The following NAPA variants were observed in gnomAD, a reference collection of about 807,000 sequenced individuals.
NAPA encodes alpha-soluble NSF attachment protein.
A neutral mutation model predicts 48.0 loss-of-function variants in NAPA; 18 were observed. That is an observed-to-expected ratio of 0.38 (90% CI 0.26 to 0.56). The LOEUF is 0.56. Among genes scored for constraint, NAPA ranks in the 20% least tolerant of loss-of-function variants. The pLI is 0.77. For synonymous variants in NAPA, 152 were observed against 149.9 expected (o/e 1.01, Z -0.10); for missense variants, 315 against 385.0 (o/e 0.82, Z 1.52).
Position 47,515,035 on chromosome 19 carries a change from CCGGCTG to C in NAPA, c.-101_-96del, listed in dbSNP as rs1968881077. The stretch of plus-strand genomic sequence containing the variant: ...CGGAACACAGATCGGTAAAACTCGC[CCGGCTG>C]CGTTGACGTCGCACCGGCGCGCGTC... On this transcript the variant is annotated 5_prime_UTR_variant, in exon 1 of 11. Transcript: ENST00000263354. The C allele has an allele frequency of 4.6e-6, 6 of 1,298,838 alleles. No homozygotes were observed. In the East Asian group the frequency reaches 1.6e-4, roughly 34 times the overall value. The allele number at this position is 1,298,838 out of a possible 1,614,324, so 80.5% of individuals were successfully genotyped here.
At position 47,506,243 on chromosome 19, in the gene NAPA, T is replaced by C. The variant is rs1472043926; in HGVS notation, c.99-2741A>G. Among the ~76,000 whole-genome samples, 1 of 152,010 alleles carries C rather than the reference T, an allele frequency of 6.6e-6. No homozygotes were observed. Among genetic ancestry groups the C allele is most frequent in the African/African-American group, 2.4e-5 (1 of 41,372 alleles). ...GAACTCCTGACCTCAAGTGGTCCAC[T>C]CGCCTCGGCCTCCCAAAGTGCTGGG... is the stretch of plus-strand genomic sequence containing the variant. On this transcript the variant is annotated intron_variant, in intron 1 of 10. Coordinates refer to ENST00000263354, the MANE Select transcript of NAPA (RefSeq NM_003827.4). The surrounding 1 kb of genome is among the most constrained non-coding windows in gnomAD (Gnocchi z 4.0).
intron 10 of NAPA, chr19:47,489,494 C>T (rs1306205365): frequency 4.9e-6 from 3 of 608,916 alleles, no homozygotes; most frequent in Non-Finnish European, 5.8e-6. Context: ...CCTGACCTCC[C>T]CAACCTCAGT....
intron 7 of NAPA, 97 bp downstream of exon 7, chr19:47,492,864 G>A (rs781113190): frequency 3.5e-6 from 4 of 1,148,080 alleles, no homozygotes; most frequent in Non-Finnish European, 5.3e-6. Flanking sequence ...GGTGAGCCGG[G>A]GGAGGGGTGG....
rs1968142691 is a variant in NAPA at position 47,488,510 on chromosome 19, G to A, written c.787-121C>T. 7 of 705,596 alleles carry A rather than the reference G, an allele frequency of 9.9e-6. No individual in the cohort carries two copies. The South Asian group carries it at 1.3e-4, about 13-fold the overall frequency. 43.7% of individuals were successfully genotyped at this position (705,596 alleles called of 1,614,324 possible). A position where few individuals can be genotyped will look rare whatever the true frequency, so the allele number is the denominator to read the frequency against. On this transcript the variant is annotated intron_variant, in intron 10 of 10. Coordinates refer to ENST00000263354, the MANE Select transcript of NAPA (RefSeq NM_003827.4). ...TGTCACCCCTGGTCTCTGAGGAGGA[G>A]TAGAGGGAGGGCTTGAGGCCCCAAC...
chr19:47,507,205 G>A (rs1288966372), intron 1 of NAPA, among the ~76,000 whole-genome samples: 2 of 152,244 alleles, frequency 1.3e-5, no homozygotes, highest in African/African-American at 4.8e-5. Context: ...CCTGATGCAG[G>A]GCTGTCTATA....
chr19:47,490,492 TGATGTGTGTG>T, intron 9 of NAPA, among the ~76,000 whole-genome samples: 1 of 80,562 alleles, frequency 1.2e-5, no homozygotes, highest in Non-Finnish European at 2.5e-5. Flanking sequence ...TGGTGTGGTG[TGATGTGTGTG>T]GTGTGGTGTG....
intron 7 of NAPA, 69 bp downstream of exon 7, chr19:47,492,891 CG>C: frequency 6.7e-7 from 1 of 1,485,722 alleles, no homozygotes; most frequent in East Asian, 2.3e-5. Context: ...AACAAGGTGC[CG>C]GGGCTTAGGA....
intron 9 of NAPA, among the ~76,000 whole-genome samples, chr19:47,490,468 ATGTT>A (rs1263037539): frequency 6.4e-4 from 2 of 3,132 alleles, no homozygotes; most frequent in African/African-American, 1.5e-3. Context: ...TGTGTAGTGT[ATGTT>A]TGGTGTGTGT....
intron 3 of NAPA, chr19:47,496,273 G>T (rs1182845426): frequency 6.5e-6 from 1 of 152,830 alleles, no homozygotes; most frequent in Non-Finnish European, 1.5e-5. Context: ...CCACCCACCA[G>T]CTCCTCAAAG....
chr19:47,503,918 C>T (rs554896725), intron 1 of NAPA, among the ~76,000 whole-genome samples: 39 of 152,326 alleles, frequency 2.6e-4, no homozygotes, highest in Non-Finnish European at 4.4e-4. Flanking sequence ...GTGTTGCTTT[C>T]GCAGAGGCAG....
rs1968288198 is a variant in NAPA, at chr19:47,492,195, G to C, written c.562-76C>G. The C allele has an allele frequency of 6.2e-6, 8 of 1,284,940 alleles. No individual in the cohort carries two copies. The South Asian group carries it at 6.4e-5, about 10-fold the overall frequency. The allele number at this position is 1,284,940 out of a possible 1,614,324, so 79.6% of individuals were successfully genotyped here. A position where few individuals can be genotyped will look rare whatever the true frequency, so the allele number is the denominator to read the frequency against. On this transcript the variant is annotated intron_variant, in intron 7 of 10. Coordinates refer to ENST00000263354, the MANE Select transcript of NAPA (RefSeq NM_003827.4). ...GGCCAGAGCCACTGCCAGGCACTGG[G>C]GGGCCAGCTGGGAGCTGGTTCATGT...
rs1968346233 is a variant in NAPA at position 47,493,820 on chromosome 19, C to T, written c.343-327G>A. 6.6e-6 allele frequency among the ~76,000 whole-genome samples: 1 copy of T among 152,218 alleles called. No individual in the cohort carries two copies. The highest frequency in any genetic ancestry group is 1.5e-5 in the Non-Finnish European group (1 of 68,032). On this transcript the variant is annotated intron_variant, in intron 4 of 10. Transcript: ENST00000263354. The surrounding 1 kb of genome is among the most constrained non-coding windows in gnomAD (Gnocchi z 6.4). ...GTGAGCACGAGCACTTGGCCAAGGCCCTGGCCCTTAGGAAGCCTCTGATAA... is the reference window on the plus strand; with the variant it reads ...GTGAGCACGAGCACTTGGCCAAGGCTCTGGCCCTTAGGAAGCCTCTGATAA...
rs201520620 is a variant in NAPA, at chr19:47,492,967, G to A, written c.555C>T (p.Tyr185=). 7.3e-5 allele frequency: 118 copies of A among 1,613,998 alleles called. No homozygotes were observed. Among genetic ancestry groups the A allele is most frequent in the Non-Finnish European group, 9.3e-5 (110 of 1,179,996 alleles). ...LEQYQKAIDI[Y]EQVGTNAMDS... ...CATCCCCACCTGTCCCCACCTGTTC[G>A]TAGATGTCAATGGCCTTCTGATACT... The change falls in exon 7 of 11, where the codon TAC becomes TAT. Residue 185 remains tyrosine (Y), a synonymous_variant. Coordinates refer to ENST00000263354, the MANE Select transcript of NAPA (RefSeq NM_003827.4).
intron 1 of NAPA, among the ~76,000 whole-genome samples, chr19:47,510,074 T>C (rs1225375387): frequency 6.6e-6 from 1 of 152,252 alleles, no homozygotes; most frequent in Non-Finnish European, 1.5e-5. Flanking sequence ...ACTCTGAGAC[T>C]GGGCAAGAGA....
chr19:47,513,590 G>A (rs1342457804), intron 1 of NAPA, among the ~76,000 whole-genome samples: 1 of 152,134 alleles, frequency 6.6e-6, no homozygotes, highest in East Asian at 1.9e-4. Flanking sequence ...GAGCTAACGT[G>A]AGTTTTATGC....
At chr19:47,500,805 G>T in intron 2 of NAPA, 56 bp from the exon 3 acceptor site, 1 of 1,368,232 alleles carries the variant, frequency 7.3e-7, no homozygotes, top group Non-Finnish European at 1.0e-6. Context: ...ACTTTATGAA[G>T]CCACAGAGAC....
At position 47,488,231 on chromosome 19, in the gene NAPA, C is replaced by A; in HGVS notation, c.*57G>T. The A allele has an allele frequency of 6.7e-7, 1 of 1,495,004 alleles. No individual in the cohort carries two copies. The highest frequency in any genetic ancestry group is 1.8e-5 in the Admixed American group (1 of 55,694). 92.6% of individuals were successfully genotyped at this position (1,495,004 alleles called of 1,614,324 possible). A position where few individuals can be genotyped will look rare whatever the true frequency, so the allele number is the denominator to read the frequency against. ...GGAAGCTCTCCAGCAAGTCTCGGCCCCACCTCTCTCTGAGCAGATGGGACA... is the reference window on the plus strand; with the variant it reads ...GGAAGCTCTCCAGCAAGTCTCGGCCACACCTCTCTCTGAGCAGATGGGACA... On this transcript the variant is annotated 3_prime_UTR_variant, in exon 11 of 11. Coordinates refer to ENST00000263354, the MANE Select transcript of NAPA (RefSeq NM_003827.4).
At position 47,492,868 on chromosome 19, in the gene NAPA, G is replaced by A. The variant is rs1468432577; in HGVS notation, c.561+93C>T. 3 of 1,186,186 alleles carry A rather than the reference G, an allele frequency of 2.5e-6. No individual in the cohort carries two copies. The African/African-American group carries it at 4.5e-5, about 18-fold the overall frequency. The allele number at this position is 1,186,186 out of a possible 1,614,324, so 73.5% of individuals were successfully genotyped here. A position where few individuals can be genotyped will look rare whatever the true frequency, so the allele number is the denominator to read the frequency against. On this transcript the variant is annotated intron_variant, in intron 7 of 10. Transcript: ENST00000263354. ...GAGAGGCAGAGGGTGAGCCGGGGGAGGGGTGGTTCCAGAACAAGGTGCCGG... is the reference window on the plus strand; with the variant it reads ...GAGAGGCAGAGGGTGAGCCGGGGGAAGGGTGGTTCCAGAACAAGGTGCCGG...
At chr19:47,504,734 CAG>C (rs1968660468) in intron 1 of NAPA, among the ~76,000 whole-genome samples, 1 of 151,720 alleles carries the variant, frequency 6.6e-6, no homozygotes, top group Admixed American at 6.6e-5. Context: ...TACACATACA[CAG>C]ACACACACAC....
Sources: gnomAD v4.1 joint callset for allele counts (sites outside exome capture counted in the v4.1 genomes callset) on GRCh38, gnomAD v4.1.1 for gene constraint, Gnocchi (gnomAD v3.1) non-coding constraint, MANE v1.5 for transcripts, NCBI Gene and HGNC (gene_info 2026-07-23, HGNC 2026-07-21) for gene names.